The following CHN2 variants were observed in gnomAD, a reference collection of about 807,000 sequenced individuals.
CHN2 encodes beta-chimaerin.
A neutral mutation model predicts 56.3 loss-of-function variants in CHN2; 35 were observed. That is an observed-to-expected ratio of 0.62 (90% confidence interval 0.47 to 0.82). CHN2 has a LOEUF of 0.82. Among genes scored for constraint, CHN2 ranks in the 40% least tolerant of loss-of-function variants. The probability of loss-of-function intolerance (pLI) is 0.00; values close to 1 mark genes in which losing one functional copy is unlikely to be tolerated. For missense variants in CHN2, 491 were observed against 580.5 expected, an observed-to-expected ratio of 0.85 and a Z score of 1.58; for synonymous variants, 210 against 212.8, an observed-to-expected ratio of 0.99 and a Z score of 0.12.
intron 1 of CHN2, among the ~76,000 whole-genome samples, chr7:29,243,917 G>A (rs564545930): frequency 1.5e-3 from 228 of 152,218 alleles, no homozygotes; most frequent in Non-Finnish European, 2.5e-3. Context: ...AGATCTTGCC[G>A]ATCTGAACAT....
chr7:29,283,393 T>C (rs1791884465), intron 1 of CHN2, among the ~76,000 whole-genome samples: 1 of 152,132 alleles, frequency 6.6e-6, no homozygotes, highest in Middle Eastern at 3.2e-3. Context: ...TCCCCTCGGT[T>C]GGTATACACG....
In CHN2 at chr7:29,318,704, C is replaced by T. The variant is rs544346074; in HGVS notation, c.50-35921C>T. Among the ~76,000 whole-genome samples the T allele has an allele frequency of 3.9e-5, 6 of 152,138 alleles. No individual in the cohort carries two copies. The East Asian group carries it at 1.2e-3, about 29-fold the overall frequency. ...TTTGCAAATTGATTAAGCCAAGAAACTTGTACTAGTTCAGTGAACCACCTT... is the reference window on the plus strand; with the variant it reads ...TTTGCAAATTGATTAAGCCAAGAAATTTGTACTAGTTCAGTGAACCACCTT... On this transcript the variant is annotated intron_variant, in intron 1 of 12. Transcript: ENST00000222792.
At chr7:29,224,220 A>G (rs1786022875) in intron 1 of CHN2, among the ~76,000 whole-genome samples, 1 of 152,216 alleles carries the variant, frequency 6.6e-6, no homozygotes, top group Non-Finnish European at 1.5e-5. Flanking sequence ...AATCATTAAT[A>G]TAGTTCCTTT....
chr7:29,393,621 T>G, intron 3 of CHN2, 58 bp from the exon 4 acceptor site: 1 of 765,524 alleles, frequency 1.3e-6, no homozygotes. Context: ...GAATAGCATT[T>G]TTATCTAGCT....
chr7:29,175,962 A>G (rs753097651), intron 2 of CHN2, among the ~76,000 whole-genome samples: 4 of 152,108 alleles, frequency 2.6e-5, no homozygotes, highest in Non-Finnish European at 4.4e-5. Context: ...CGAGGCGGGA[A>G]GATCACAAGG....
At chr7:29,201,755 C>T (rs531796071) in intron 1 of CHN2, among the ~76,000 whole-genome samples, 358 of 152,314 alleles carry the variant, frequency 2.4e-3, no homozygotes, top group African/African-American at 8.2e-3. Context: ...TCATTTTTTA[C>T]AGGAAATTCT....
At chr7:29,458,553 G>A (rs537741170) in intron 6 of CHN2, among the ~76,000 whole-genome samples, 3 of 152,144 alleles carry the variant, frequency 2.0e-5, no homozygotes, top group South Asian at 2.1e-4. Flanking sequence ...ATGTATTCCC[G>A]GTGCCTGGAG....
intron 6 of CHN2, among the ~76,000 whole-genome samples, chr7:29,424,819 C>G (rs1303323957): frequency 1.3e-5 from 2 of 152,194 alleles, no homozygotes; most frequent in African/African-American, 4.8e-5. Flanking sequence ...CAGTTCAGCA[C>G]AGTCTGGTCA....
intron 6 of CHN2, among the ~76,000 whole-genome samples, chr7:29,456,615 T>TC (rs1166863574): frequency 2.5e-4 from 7 of 27,966 alleles, no homozygotes; most frequent in Non-Finnish European, 6.4e-4. Flanking sequence ...ACCCGCCCCC[T>TC]CCCCCCCACC....
chr7:29,412,728 T>G (rs1481304882), intron 6 of CHN2, among the ~76,000 whole-genome samples: 1 of 152,178 alleles, frequency 6.6e-6, no homozygotes, highest in South Asian at 2.1e-4. Context: ...TGGCCCCTTT[T>G]GCAGCATTGG....
At chr7:29,249,362 C>T (rs973103807) in intron 1 of CHN2, among the ~76,000 whole-genome samples, 3 of 152,198 alleles carry the variant, frequency 2.0e-5, no homozygotes, top group African/African-American at 4.8e-5. Flanking sequence ...GTCCCAGCTC[C>T]AGCAGACAGA....
intron 6 of CHN2, among the ~76,000 whole-genome samples, chr7:29,407,763 G>C (rs1016253972): frequency 5.3e-5 from 8 of 152,188 alleles, no homozygotes; most frequent in African/African-American, 1.9e-4. Context: ...ACTGGGTTTT[G>C]CCAAGCATTG....
intron 1 of CHN2, among the ~76,000 whole-genome samples, chr7:29,298,399 G>C (rs1040308959): frequency 1.3e-5 from 2 of 152,160 alleles, no homozygotes; most frequent in South Asian, 2.1e-4. Context: ...ATGTGTTTCG[G>C]GGGGGTTGCA....
At position 29,180,543 on chromosome 7, in the gene CHN2, C is replaced by CA. The variant is rs10713261; in HGVS notation, c.274+33595dup. The stretch of plus-strand genomic sequence containing the variant: ...AGAGCAACAGAGCAAGACTCCATCT[C>CA]AAAAAAAAAAAAGTCATCTAAATTG... On this transcript the variant is annotated intron_variant, in intron 2 of 6. Transcript: ENST00000439384. Among the ~76,000 whole-genome samples, 663 of 134,900 alleles carry CA rather than the reference C, an allele frequency of 4.9e-3. 4 individuals carry two copies. Among genetic ancestry groups the CA allele is most frequent in the African/African-American group, 0.017 (611 of 36,082 alleles). The allele number at this position is 134,900 out of a possible 152,430, so 88.5% of individuals were successfully genotyped here.
intron 6 of CHN2, among the ~76,000 whole-genome samples, chr7:29,408,506 G>A (rs10259809): frequency 0.054 from 8,263 of 152,146 alleles, 276 homozygotes; most frequent in South Asian, 0.088. Context: ...TACACAACAC[G>A]TGAGAAGTCC....
chr7:29,484,007 T>G, intron 7 of CHN2: 5 of 644,716 alleles, frequency 7.8e-6, no homozygotes, highest in Non-Finnish European at 1.3e-5. Flanking sequence ...GCATCTATTA[T>G]TATCTTTTTG....
intron 1 of CHN2, among the ~76,000 whole-genome samples, chr7:29,303,316 T>C (rs1329317506): frequency 1.4e-5 from 2 of 146,452 alleles, no homozygotes; most frequent in Admixed American, 1.3e-4. Context: ...TGCGCCGCCT[T>C]TGGGGCCTGC....
chr7:29,240,021 A>G (rs1415695749), intron 1 of CHN2, among the ~76,000 whole-genome samples: 2 of 152,228 alleles, frequency 1.3e-5, no homozygotes, highest in South Asian at 2.1e-4. Flanking sequence ...AACAAAATAT[A>G]TCTGGGGCCA....
At chr7:29,285,029 C>A (rs188549569) in intron 1 of CHN2, among the ~76,000 whole-genome samples, 3 of 152,328 alleles carry the variant, frequency 2.0e-5, no homozygotes, top group East Asian at 1.9e-4. Context: ...ACTGTGCAAG[C>A]AGACTGGGGG....
Sources: allele counts gnomAD v4.1 joint callset (sites outside exome capture counted in the v4.1 genomes callset), GRCh38; gene constraint gnomAD v4.1.1; transcripts MANE v1.5; gene names NCBI Gene and HGNC (gene_info 2026-07-23, HGNC 2026-07-21).